Variants in ARB2A observed in about 807,000 individuals in gnomAD.
The protein encoded by ARB2A is cotranscriptional regulator ARB2A.
the ARB2A span, among the ~76,000 whole-genome samples, chr5:93,755,321 A>G: frequency 6.6e-6 from 1 of 152,220 alleles, no homozygotes; most frequent in Non-Finnish European, 1.5e-5. Context: ...TAACTGGCCA[A>G]TTTTACAAGT....
chr5:94,013,995 C>A, the ARB2A span, among the ~76,000 whole-genome samples: 1 of 152,172 alleles, frequency 6.6e-6, no homozygotes, highest in East Asian at 1.9e-4. Flanking sequence ...AGTGCACAAC[C>A]AGATCCCCAC....
chr5:93,708,732 C>T, the ARB2A span, among the ~76,000 whole-genome samples: 2 of 151,888 alleles, frequency 1.3e-5, no homozygotes, highest in African/African-American at 2.4e-5. Context: ...GGGAACCTCG[C>T]TCTGCACCTT....
At chr5:94,003,374 A>G in the ARB2A span, among the ~76,000 whole-genome samples, 1 of 152,190 alleles carries the variant, frequency 6.6e-6, no homozygotes, top group Non-Finnish European at 1.5e-5. Context: ...TAACAAAAGG[A>G]AATCAAAAAC....
the ARB2A span, among the ~76,000 whole-genome samples, chr5:93,845,631 A>G: frequency 6.6e-6 from 1 of 152,218 alleles, no homozygotes; most frequent in African/African-American, 2.4e-5. Flanking sequence ...GATGCAGGAT[A>G]TACACAGGCC....
the ARB2A span, among the ~76,000 whole-genome samples, chr5:94,049,816 G>A: frequency 2.0e-5 from 3 of 152,132 alleles, no homozygotes; most frequent in Non-Finnish European, 4.4e-5. Flanking sequence ...GCGAGACCCT[G>A]TCTCAAAAAC....
the ARB2A span, among the ~76,000 whole-genome samples, chr5:93,660,122 T>C: frequency 8.5e-5 from 13 of 152,114 alleles, no homozygotes; most frequent in Admixed American, 8.5e-4. Context: ...ACAAATAATT[T>C]CATAGAAAAC....
At chr5:93,744,353 T>C in the ARB2A span, among the ~76,000 whole-genome samples, 1 of 139,614 alleles carries the variant, frequency 7.2e-6, no homozygotes, top group African/African-American at 2.7e-5. Context: ...GAGAATTGCT[T>C]GAACCCGGGA....
chr5:94,011,936 C>CAAAAAA, the ARB2A span, among the ~76,000 whole-genome samples: 23 of 30,158 alleles, frequency 7.6e-4, no homozygotes, highest in East Asian at 1.2e-3. Flanking sequence ...AAAGGGTAGA[C>CAAAAAA]AAAAAAAAAA....
chr5:93,857,702 A>G, the ARB2A span, among the ~76,000 whole-genome samples: 1 of 152,042 alleles, frequency 6.6e-6, no homozygotes, highest in Non-Finnish European at 1.5e-5. Flanking sequence ...CCTTTCTTTG[A>G]CTAGGAAAGG....
the ARB2A span, among the ~76,000 whole-genome samples, chr5:94,089,592 T>C: frequency 2.5e-5 from 2 of 79,752 alleles, no homozygotes; most frequent in Non-Finnish European, 5.1e-5. Context: ...TAAAACCGTT[T>C]ATACACACAC....
At chr5:93,773,947 T>G in the ARB2A span, among the ~76,000 whole-genome samples, 2 of 152,206 alleles carry the variant, frequency 1.3e-5, no homozygotes, top group East Asian at 1.9e-4. Flanking sequence ...TTAAAAAATT[T>G]TTTTTGGAGA....
At chr5:93,788,845 T>C in the ARB2A span, among the ~76,000 whole-genome samples, 10 of 152,214 alleles carry the variant, frequency 6.6e-5, no homozygotes, top group Admixed American at 4.6e-4. Context: ...ATGGGAATTG[T>C]AAATCCAACT....
the ARB2A span, chr5:93,740,800 C>G: frequency 1.9e-6 from 3 of 1,612,952 alleles, no homozygotes; most frequent in Non-Finnish European, 2.5e-6. Context: ...GAACCAAACT[C>G]GAACCACATC....
At chr5:93,853,582 T>C in the ARB2A span, among the ~76,000 whole-genome samples, 7 of 152,168 alleles carry the variant, frequency 4.6e-5, no homozygotes, top group Admixed American at 6.5e-5. Flanking sequence ...CAGTATGATA[T>C]TGGCTGTGGG....
the ARB2A span, among the ~76,000 whole-genome samples, chr5:93,790,127 A>G: frequency 6.6e-6 from 1 of 152,210 alleles, no homozygotes; most frequent in Non-Finnish European, 1.5e-5. Context: ...TGATACTTTG[A>G]GTAAATTATT....
chr5:94,062,490 G>T, the ARB2A span, among the ~76,000 whole-genome samples: 1 of 152,138 alleles, frequency 6.6e-6, no homozygotes, highest in Non-Finnish European at 1.5e-5. Flanking sequence ...GCCTGGAGAG[G>T]CTCCCCAGTG....
the ARB2A span, among the ~76,000 whole-genome samples, chr5:93,677,822 T>C: frequency 6.6e-6 from 1 of 152,186 alleles, no homozygotes; most frequent in Non-Finnish European, 1.5e-5. Context: ...AACTGAGCTG[T>C]CCAAAATGGA....
chr5:94,016,552 G>T, the ARB2A span, among the ~76,000 whole-genome samples: 1 of 152,178 alleles, frequency 6.6e-6, no homozygotes. Context: ...ATACTAAGTG[G>T]AATAGACCAG....
chr5:93,661,794 T>C, the ARB2A span, among the ~76,000 whole-genome samples: 5 of 152,260 alleles, frequency 3.3e-5, no homozygotes, highest in South Asian at 1.0e-3. Flanking sequence ...AAAATAATTT[T>C]CTTAAAAATT....
Sources: allele counts gnomAD v4.1 joint callset (sites outside exome capture counted in the v4.1 genomes callset), GRCh38; gene constraint gnomAD v4.1.1; transcripts MANE v1.5; gene names NCBI Gene and HGNC (gene_info 2026-07-23, HGNC 2026-07-21).